MNAT1: variants seen among roughly 807,000 people sequenced by gnomAD.
MNAT1 encodes the protein MNAT1 component of CDK activating kinase, also known as CDK-activating kinase assembly factor MAT1.
In MNAT1, 43 loss-of-function variants were observed where a neutral mutation model predicts 42.0. The ratio of observed to expected loss-of-function variants is 1.02; its 90% CI spans 0.80 to 1.32. The LOEUF (loss-of-function observed/expected upper bound fraction) is 1.32. MNAT1 is among the 40% of genes most tolerant of loss of function. MNAT1 has a pLI of 0.00. For missense variants in MNAT1, 306 were observed against 350.4 expected (o/e 0.87, Z 1.01); for synonymous variants, 118 against 120.0 (o/e 0.98, Z 0.11).
intron 6 of MNAT1, among the ~76,000 whole-genome samples, chr14:60,848,897 T>C (rs1566793062): frequency 6.6e-6 from 1 of 152,216 alleles, no homozygotes; most frequent in Non-Finnish European, 1.5e-5. Context: ...ATTAGTCTCT[T>C]TAAGAGTTAA....
At chr14:60,879,586 T>A in intron 6 of MNAT1, 128 bp from the exon 7 acceptor site, 7 of 840,424 alleles carry the variant, frequency 8.3e-6, no homozygotes. Flanking sequence ...ATTGTACCCA[T>A]GGAACAGCAC....
At chr14:60,884,920 A>G (rs1029330763) in intron 7 of MNAT1, among the ~76,000 whole-genome samples, 20 of 152,044 alleles carry the variant, frequency 1.3e-4, no homozygotes, top group African/African-American at 4.6e-4. Context: ...TTTGTCCGGG[A>G]AAGTCTTTAT....
intron 1 of MNAT1, among the ~76,000 whole-genome samples, chr14:60,794,772 T>TAAA (rs2140325396): frequency 6.6e-6 from 1 of 151,018 alleles, no homozygotes; most frequent in East Asian, 1.9e-4. Context: ...CTAATAACCT[T>TAAA]AAAAATTCTT....
chr14:60,892,033 T>A lies in MNAT1; in HGVS notation c.809+12198T>A, dbSNP rs956038872. 5.9e-5 allele frequency among the ~76,000 whole-genome samples: 9 copies of A among 152,302 alleles called. No individual in the cohort carries two copies. The South Asian group carries it at 6.2e-4, about 11-fold the overall frequency. On this transcript the variant is annotated intron_variant, in intron 7 of 7. Transcript: ENST00000261245. Reference sequence around the variant, plus strand: ...GATACTTTGTATGATACCAATTTTTTAAAAATTTATTAACACTTAAATTAT... The same window carrying A: ...GATACTTTGTATGATACCAATTTTTAAAAAATTTATTAACACTTAAATTAT...
rs555901243 is a variant in MNAT1, at chr14:60,964,893, C to T, written c.810-3336C>T. Reference sequence around the variant, plus strand: ...ATGTGGCAGATTCTTTAAAATACTTCGACATGCTACAATAATTAAAGGTTT... The same window carrying T: ...ATGTGGCAGATTCTTTAAAATACTTTGACATGCTACAATAATTAAAGGTTT... On this transcript the variant is annotated intron_variant, in intron 7 of 7. Transcript: ENST00000261245. Among the ~76,000 whole-genome samples, 15 of 152,126 alleles carry T rather than the reference C, an allele frequency of 9.9e-5. No individual in the cohort carries two copies. In the East Asian group the frequency reaches 1.5e-3, roughly 16 times the overall value.
chr14:60,879,847 A>G lies in MNAT1; in HGVS notation c.809+12A>G. On this transcript the variant is annotated intron_variant, in intron 7 of 7. Transcript: ENST00000261245. ...CTAGGAAGACTTGGGTATGTGTCCT[A>G]AAGAACTTTACATTGAGGAGCTGAT... The G allele has an allele frequency of 6.2e-7, 1 of 1,608,680 alleles. No homozygotes were observed. The highest frequency in any genetic ancestry group is 1.1e-5 in the South Asian group (1 of 89,676).
intron 1 of MNAT1, among the ~76,000 whole-genome samples, chr14:60,794,660 A>AAAAAAT (rs1555375163): frequency 3.5e-5 from 1 of 28,634 alleles, no homozygotes; most frequent in Admixed American, 6.5e-4. Context: ...AAAAAAAAAA[A>AAAAAAT]ATATATATAT....
chr14:60,819,293 A>G (rs575864122), intron 6 of MNAT1, among the ~76,000 whole-genome samples: 8 of 151,932 alleles, frequency 5.3e-5, no homozygotes, highest in African/African-American at 1.7e-4. Flanking sequence ...GTTTCAAAAA[A>G]TTTATTTTAT....
chr14:60,795,313 GTAT>G (rs2031979222), intron 1 of MNAT1, among the ~76,000 whole-genome samples: 1 of 152,134 alleles, frequency 6.6e-6, no homozygotes, highest in Admixed American at 6.5e-5. Flanking sequence ...CTGAGTGGTA[GTAT>G]GGATCTGTTG....
At chr14:60,765,769 TA>T (rs2140303082) in intron 1 of MNAT1, among the ~76,000 whole-genome samples, 1 of 152,300 alleles carries the variant, frequency 6.6e-6, no homozygotes, top group South Asian at 2.1e-4. Flanking sequence ...CTAGGCAATC[TA>T]AGACATACAG....
intron 3 of MNAT1, among the ~76,000 whole-genome samples, chr14:60,804,254 T>G (rs1395909898): frequency 6.6e-6 from 1 of 152,224 alleles, no homozygotes; most frequent in Non-Finnish European, 1.5e-5. Context: ...GTCAAATGAT[T>G]GTTATAGCAA....
Position 60,869,041 on chromosome 14 carries a change from T to TATA in MNAT1, c.688-10673_688-10672insATA, listed in dbSNP as rs373998263. 9.2e-3 allele frequency among the ~76,000 whole-genome samples: 849 copies of TATA among 92,596 alleles called. 4 individuals are homozygous for TATA. Among genetic ancestry groups the TATA allele is most frequent in the East Asian group, 0.037 (126 of 3,416 alleles). 60.7% of individuals were successfully genotyped at this position (92,596 alleles called of 152,430 possible). A position where few individuals can be genotyped will look rare whatever the true frequency, so the allele number is the denominator to read the frequency against. On this transcript the variant is annotated intron_variant, in intron 6 of 7. Coordinates refer to ENST00000261245, the MANE Select transcript of MNAT1 (RefSeq NM_002431.4). ...TTTTATACATATATATATATATATA[T>TATA]TTTTTTTTTTTTTTTTGAGACGGAG...
At position 60,771,125 on chromosome 14, in the gene MNAT1, T is replaced by C. The variant is rs558736466; in HGVS notation, c.90-25092T>C. Reference sequence around the variant, plus strand: ...ACTTTACTAGGAAATGCCGTTTTGTTCTTTAAAGAGGTTGTACAGTTTACA... The same window carrying C: ...ACTTTACTAGGAAATGCCGTTTTGTCCTTTAAAGAGGTTGTACAGTTTACA... On this transcript the variant is annotated intron_variant, in intron 1 of 7. Transcript: ENST00000261245. 3.9e-5 allele frequency among the ~76,000 whole-genome samples: 6 copies of C among 152,330 alleles called. No homozygotes were observed. The East Asian group carries it at 1.2e-3, about 29-fold the overall frequency.
intron 6 of MNAT1, among the ~76,000 whole-genome samples, chr14:60,829,427 A>G (rs4151239): frequency 5.6e-4 from 85 of 152,290 alleles, no homozygotes; most frequent in East Asian, 5.0e-3. Flanking sequence ...TTTAGTGTCA[A>G]TAGTTGGGAA....
At chr14:60,881,274 T>G (rs2034545932) in intron 7 of MNAT1, among the ~76,000 whole-genome samples, 1 of 152,150 alleles carries the variant, frequency 6.6e-6, no homozygotes, top group African/African-American at 2.4e-5. Context: ...AACCTCTGCC[T>G]CCTGGGTTCA....
At chr14:60,842,631 A>G (rs1285077683) in intron 6 of MNAT1, among the ~76,000 whole-genome samples, 2 of 152,168 alleles carry the variant, frequency 1.3e-5, no homozygotes, top group African/African-American at 2.4e-5. Flanking sequence ...GCAGCAGAAT[A>G]TTTTGAGACT....
intron 3 of MNAT1, among the ~76,000 whole-genome samples, chr14:60,807,090 G>A (rs536476806): frequency 1.1e-4 from 16 of 152,218 alleles, no homozygotes; most frequent in Non-Finnish European, 2.2e-4. Flanking sequence ...TTAAAATTGC[G>A]TATGATAAAA....
intron 7 of MNAT1, among the ~76,000 whole-genome samples, chr14:60,934,450 G>T (rs146385824): frequency 3.1e-4 from 47 of 152,208 alleles, no homozygotes; most frequent in African/African-American, 1.1e-3. Context: ...TCCATGTGTC[G>T]TGGGAGGGAC....
At chr14:60,919,634 T>A (rs1474229423) in intron 7 of MNAT1, 1 of 153,370 alleles carries the variant, frequency 6.5e-6, no homozygotes, top group African/African-American at 2.4e-5. Context: ...GGCAGTGGGG[T>A]CTGAGGAGTC....
Sources: gnomAD v4.1 joint callset for allele counts (sites outside exome capture counted in the v4.1 genomes callset) on GRCh38, gnomAD v4.1.1 for gene constraint, MANE v1.5 for transcripts, NCBI Gene and HGNC (gene_info 2026-07-23, HGNC 2026-07-21) for gene names.